CDC5L: variants seen among roughly 807,000 people sequenced by gnomAD.
CDC5L encodes the protein cell division cycle 5-like protein.
In CDC5L, 18 loss-of-function variants were observed where a neutral mutation model predicts 104.1. The observed-to-expected ratio is 0.17, with a 90% CI of 0.12 to 0.26. CDC5L has a LOEUF of 0.26. CDC5L is among the 10% of genes least tolerant of loss of function. The pLI is 1.00. For synonymous variants in CDC5L, 331 were observed against 322.7 expected, an observed-to-expected ratio of 1.03 and a Z score of -0.28; for missense variants, 673 against 956.9, an observed-to-expected ratio of 0.70 and a Z score of 3.91.
At chr6:44,424,741 C>T (rs1019235188) in intron 11 of CDC5L, among the ~76,000 whole-genome samples, 158 bp downstream of exon 11, 4 of 152,068 alleles carry the variant, frequency 2.6e-5, no homozygotes, top group Non-Finnish European at 2.9e-5. Flanking sequence ...AATAATGTAT[C>T]CTCACATAAT....
intron 2 of CDC5L, among the ~76,000 whole-genome samples, chr6:44,391,010 A>T (rs1223122072): frequency 8.5e-6 from 1 of 118,044 alleles, no homozygotes; most frequent in Non-Finnish European, 1.8e-5. Context: ...AATATGTTAT[A>T]TATTATATAT....
rs1461399846 is a variant in CDC5L at position 44,448,337 on chromosome 6, A to T, written c.*1626A>T. 1 of 152,224 alleles carries T rather than the reference A, an allele frequency of 6.6e-6. No individual in the cohort carries two copies. Among genetic ancestry groups the T allele is most frequent in the Non-Finnish European group, 1.5e-5 (1 of 68,034 alleles). 9.4% of individuals were successfully genotyped at this position (152,224 alleles called of 1,614,324 possible). On this transcript the variant is annotated 3_prime_UTR_variant, in exon 16 of 16. Coordinates refer to ENST00000371477, the MANE Select transcript of CDC5L (RefSeq NM_001253.4). ...AAGGAATTTGGATCTTACTTTAAAT[A>T]TGATAAGAATCGATGAGAAGATCTA... is the stretch of plus-strand genomic sequence containing the variant.
chr6:44,438,118 T>G (rs1793018520), intron 14 of CDC5L, among the ~76,000 whole-genome samples: 1 of 152,120 alleles, frequency 6.6e-6, no homozygotes, highest in Admixed American at 6.5e-5. Flanking sequence ...CTGGCTAATT[T>G]TTGTATTTTT....
At position 44,446,960 on chromosome 6, in the gene CDC5L, G is replaced by T; in HGVS notation, c.*249G>T. On this transcript the variant is annotated 3_prime_UTR_variant, in exon 16 of 16. Transcript: ENST00000371477. ...AATGTCATATTTGCAAACTTTTTTA[G>T]TTTTGGCCTTTAATTTAAAAAGCCT... 3.7e-6 allele frequency: 1 copy of T among 272,554 alleles called. No individual in the cohort carries two copies. The highest frequency in any genetic ancestry group is 6.8e-6 in the Non-Finnish European group (1 of 147,238). 16.9% of individuals were successfully genotyped at this position (272,554 alleles called of 1,614,324 possible).
chr6:44,430,285 G>A (rs573137791), intron 14 of CDC5L, among the ~76,000 whole-genome samples: 54 of 151,802 alleles, frequency 3.6e-4, no homozygotes, highest in African/African-American at 1.1e-3. Flanking sequence ...CAGCAGTAAC[G>A]AGGAGTTTTC....
At chr6:44,405,402 AG>A (rs1157585309) in intron 6 of CDC5L, among the ~76,000 whole-genome samples, 1 of 152,224 alleles carries the variant, frequency 6.6e-6, no homozygotes, top group Non-Finnish European at 1.5e-5. Context: ...TTCATTTGGA[AG>A]GAGTACTAAG....
intron 11 of CDC5L, among the ~76,000 whole-genome samples, chr6:44,425,314 T>A (rs1792370358): frequency 6.6e-6 from 1 of 152,104 alleles, no homozygotes; most frequent in African/African-American, 2.4e-5. Context: ...ATGCAGATGT[T>A]CCAGAATCTG....
At chr6:44,416,496 C>A (rs1201788238) in intron 8 of CDC5L, among the ~76,000 whole-genome samples, 1 of 152,200 alleles carries the variant, frequency 6.6e-6, no homozygotes, top group East Asian at 1.9e-4. Context: ...CTACCTCTGA[C>A]CAATGATGGC....
intron 8 of CDC5L, among the ~76,000 whole-genome samples, chr6:44,411,880 A>T (rs1309968370): frequency 1.3e-5 from 2 of 151,064 alleles, no homozygotes; most frequent in Non-Finnish European, 2.9e-5. Flanking sequence ...GATTCTGAAC[A>T]CAAGTAAGGA....
intron 4 of CDC5L, among the ~76,000 whole-genome samples, chr6:44,394,889 TATAC>T (rs1410237203): frequency 0.084 from 2,311 of 27,438 alleles, 121 homozygotes; most frequent in African/African-American, 0.21. Context: ...AAAAAAATGG[TATAC>T]ACACACACAC....
rs867042800 is a variant in CDC5L at position 44,404,176 on chromosome 6, G to C, written c.758+149G>C. The C allele has an allele frequency of 6.7e-5, 33 of 491,768 alleles. No homozygotes were observed. In the Middle Eastern group the frequency reaches 1.7e-3, roughly 25 times the overall value. The allele number at this position is 491,768 out of a possible 1,614,324, so 30.5% of individuals were successfully genotyped here. Reference sequence around the variant, plus strand: ...AATTTTTTTTTTGAGACAGGGTCTTGCTGTGTTGCCCAGGCTGGAGTACAG... The same window carrying C: ...AATTTTTTTTTTGAGACAGGGTCTTCCTGTGTTGCCCAGGCTGGAGTACAG... On this transcript the variant is annotated intron_variant, in intron 6 of 15. Transcript: ENST00000371477.
rs145257575 is a variant in CDC5L at position 44,404,735 on chromosome 6, A to T, written c.758+708A>T. ...TTTAAGACAAGGTCTCACTCTTATC[A>T]CCCAGGCTGGAGTGCAGTGGCATGA... On this transcript the variant is annotated intron_variant, in intron 6 of 15. Transcript: ENST00000371477. Among the ~76,000 whole-genome samples the T allele has an allele frequency of 3.2e-3, 486 of 151,836 alleles. 4 individuals are homozygous for T. The highest frequency in any genetic ancestry group is 0.011 in the African/African-American group (454 of 41,396).
At chr6:44,423,744 CTACTT>C (rs1481478058) in intron 10 of CDC5L, among the ~76,000 whole-genome samples, 1 of 152,158 alleles carries the variant, frequency 6.6e-6, no homozygotes, top group East Asian at 1.9e-4. Context: ...AACCAGGACT[CTACTT>C]TCTTTCTTCT....
At chr6:44,434,106 C>T (rs371851363) in intron 14 of CDC5L, among the ~76,000 whole-genome samples, 4 of 152,252 alleles carry the variant, frequency 2.6e-5, no homozygotes, top group Middle Eastern at 6.8e-3. Flanking sequence ...TGACAGATTT[C>T]GTAGTTGTCT....
intron 14 of CDC5L, among the ~76,000 whole-genome samples, chr6:44,444,577 G>A (rs1032694140): frequency 2.6e-5 from 4 of 152,156 alleles, no homozygotes; most frequent in South Asian, 2.1e-4. Flanking sequence ...TAGAGGCCAG[G>A]CTGTCAAGTA....
chr6:44,438,633 G>C (rs1793043429), intron 14 of CDC5L, among the ~76,000 whole-genome samples: 2 of 149,272 alleles, frequency 1.3e-5, no homozygotes, highest in Non-Finnish European at 3.0e-5. Context: ...TTCCTTGATG[G>C]TGTTGTAAAA....
intron 14 of CDC5L, among the ~76,000 whole-genome samples, chr6:44,441,435 C>T (rs189540034): frequency 6.6e-6 from 1 of 152,220 alleles, no homozygotes; most frequent in African/African-American, 2.4e-5. Flanking sequence ...GCAGACATCT[C>T]TTTGACATAC....
chr6:44,392,605 G>T lies in CDC5L; in HGVS notation c.150-62G>T, dbSNP rs761939755. 2.4e-4 allele frequency: 344 copies of T among 1,437,740 alleles called. 1 individual carries two copies. Among genetic ancestry groups the T allele is most frequent in the Non-Finnish European group, 3.2e-4 (332 of 1,035,366 alleles). 89.1% of individuals were successfully genotyped at this position (1,437,740 alleles called of 1,614,324 possible). On this transcript the variant is annotated intron_variant, in intron 2 of 15. Coordinates refer to ENST00000371477, the MANE Select transcript of CDC5L (RefSeq NM_001253.4). ...GAGAGCACAAGTCAGTGTATCCATT[G>T]TGCAAATTGGATATTTATGCCAGGT...
chr6:44,449,270 G>A lies in CDC5L; in HGVS notation c.*2559G>A, dbSNP rs1793563840. On this transcript the variant is annotated 3_prime_UTR_variant, in exon 16 of 16. Transcript: ENST00000371477. ...CCAGGTAGTGGTGCCACTTGAAATG[G>A]TGAACAGACACACTGTTATCCTTTG... The A allele has an allele frequency of 6.6e-6, 1 of 152,190 alleles. No homozygotes were observed. Among genetic ancestry groups the A allele is most frequent in the Non-Finnish European group, 1.5e-5 (1 of 68,040 alleles). 9.4% of individuals were successfully genotyped at this position (152,190 alleles called of 1,614,324 possible). A position where few individuals can be genotyped will look rare whatever the true frequency, so the allele number is the denominator to read the frequency against.
Sources: allele counts gnomAD v4.1 joint callset (sites outside exome capture counted in the v4.1 genomes callset), GRCh38; gene constraint gnomAD v4.1.1; transcripts MANE v1.5; gene names NCBI Gene and HGNC (gene_info 2026-07-23, HGNC 2026-07-21).